The following ZFP82 variants were observed in gnomAD, a reference collection of about 807,000 sequenced individuals.
ZFP82 encodes ZFP82 zinc finger protein.
A neutral mutation model predicts 54.0 loss-of-function variants in ZFP82; 30 were observed. The observed-to-expected ratio is 0.56, with a 90% confidence interval of 0.42 to 0.75. The LOEUF is 0.75. Ranked by LOEUF, ZFP82 falls within the 30% of genes least tolerant of loss-of-function variation. The pLI is 0.00. For missense variants in ZFP82, 500 were observed against 636.8 expected, an observed-to-expected ratio of 0.79 and a Z score of 2.31; for synonymous variants, 194 against 209.5, an observed-to-expected ratio of 0.93 and a Z score of 0.64.
rs191968523 is a variant in ZFP82, at chr19:36,388,867, G to A, written c.*3874C>T. Among the ~76,000 whole-genome samples the A allele has an allele frequency of 6.6e-6, 1 of 152,228 alleles. No individual in the cohort carries two copies. The highest frequency in any genetic ancestry group is 1.9e-4 in the East Asian group (1 of 5,188). ...GTTATGTGACAGGCACTGTAGGTGT[G>A]TGAACAGAATGGTGAACAACACAAA... On this transcript the variant is annotated 3_prime_UTR_variant, in exon 5 of 5. Transcript: ENST00000392161.
chr19:36,416,756 CAAAAA>C (rs1165706150), intron 1 of ZFP82, among the ~76,000 whole-genome samples: 1 of 68,872 alleles, frequency 1.5e-5, no homozygotes, highest in Non-Finnish European at 2.7e-5. Flanking sequence ...AACTCCGTCT[CAAAAA>C]AAAAAAAAAA....
At position 36,392,910 on chromosome 19, in the gene ZFP82, G is replaced by C; in HGVS notation, c.1430C>G (p.Pro477Arg). The C allele has an allele frequency of 6.2e-7, 1 of 1,613,686 alleles. No individual in the cohort carries two copies. Among genetic ancestry groups the C allele is most frequent in the Non-Finnish European group, 8.5e-7 (1 of 1,179,888 alleles). The change falls in exon 5 of 5, where the codon CCC becomes CGC. Residue 477 changes from proline to arginine, a missense_variant. Pro to Arg is a moderately radical substitution (Grantham distance 103, BLOSUM62 -2). Transcript: ENST00000392161. ...CTTCCTACATTCCTTACACTCAAAG[G>C]GTTTTTCGCCAGTATGAATGCTCTG... ...LHQSIHTGEKPFECKECRKAF... is the reference protein window; with the variant it reads ...LHQSIHTGEKRFECKECRKAF...
downstream of ZFP82, among the ~76,000 whole-genome samples, chr19:36,387,763 C>T (rs565333949): frequency 3.9e-5 from 6 of 152,014 alleles, no homozygotes; most frequent in Non-Finnish European, 7.4e-5. Context: ...TACAGGCATG[C>T]GCCACCATGC....
chr19:36,392,923 T>C lies in ZFP82; in HGVS notation c.1417A>G (p.Thr473Ala). ...QKLTLHQSIHTGEKPFECKEC... is the reference protein window; with the variant it reads ...QKLTLHQSIHAGEKPFECKEC... ...TTACACTCAAAGGGTTTTTCGCCAG[T>C]ATGAATGCTCTGATGTAGAGTAAGT... Residue 473 changes from threonine (T) to alanine (A), a missense_variant, in exon 5 of 5, where the codon ACT becomes GCT. Physicochemically the swap from Thr to Ala is moderately conservative, Grantham distance 58 (BLOSUM62 0). Coordinates refer to ENST00000392161, the MANE Select transcript of ZFP82 (RefSeq NM_133466.4). 2 of 1,613,962 alleles carry C rather than the reference T, an allele frequency of 1.2e-6. No homozygotes were observed. The highest frequency in any genetic ancestry group is 1.1e-5 in the South Asian group (1 of 91,046).
intron 2 of ZFP82, among the ~76,000 whole-genome samples, chr19:36,409,003 A>G (rs957712492): frequency 2.0e-5 from 3 of 152,090 alleles, no homozygotes; most frequent in Non-Finnish European, 4.4e-5. Context: ...TCCATCCCTC[A>G]CTGTATGCCT....
Position 36,393,661 on chromosome 19 carries a change from C to T in ZFP82, c.679G>A (p.Glu227Lys). ...QRLHSGEKLY[E>K]CKECGEAFIC... ...AAAGCTTCCCCACATTCCTTACATT[C>T]ATAGAGTTTTTCACCAGAATGAAGT... Residue 227 changes from glutamate to lysine, a missense_variant, in exon 5 of 5, where the codon GAA becomes AAA. Transcript: ENST00000392161. 6.2e-7 allele frequency: 1 copy of T among 1,614,132 alleles called. No individual in the cohort carries two copies. The highest frequency in any genetic ancestry group is 1.1e-5 in the South Asian group (1 of 91,080).
chr19:36,418,297 G>A (rs1033895671), intron 1 of ZFP82, among the ~76,000 whole-genome samples, 195 bp downstream of exon 1: 1 of 151,902 alleles, frequency 6.6e-6, no homozygotes, highest in African/African-American at 2.4e-5. Flanking sequence ...GGCCCGGTGT[G>A]GGCAGAGGAT....
intron 4 of ZFP82, chr19:36,395,484 C>G (rs1338461521): frequency 2.6e-5 from 4 of 152,132 alleles, no homozygotes; most frequent in African/African-American, 9.7e-5. Context: ...ATGCCTGTAA[C>G]TCAGAAATGT....
At chr19:36,385,604 T>G (rs190742555), downstream of ZFP82, among the ~76,000 whole-genome samples, 22 of 152,324 alleles carry the variant, frequency 1.4e-4, no homozygotes, top group East Asian at 3.9e-3. Context: ...ATGGAAAGTC[T>G]GAAACTTTTT....
In ZFP82 at chr19:36,393,576, T is replaced by A. The variant is rs567605202; in HGVS notation, c.764A>T (p.Glu255Val). Residue 255 changes from glutamate to valine, a missense_variant, in exon 5 of 5, where the codon GAA becomes GTA. Coordinates refer to ENST00000392161, the MANE Select transcript of ZFP82 (RefSeq NM_133466.4). ...AAAAGCCTTCCCACATTCTTTACATTCATAGGGCTTCTCACCAATATGCAT... is the reference window on the plus strand; with the variant it reads ...AAAAGCCTTCCCACATTCTTTACATACATAGGGCTTCTCACCAATATGCAT... ...QKMHIGEKPY[E>V]CKECGKAFRV... is the part of the protein sequence containing the mutation. The A allele has an allele frequency of 9.7e-5, 156 of 1,614,164 alleles. 3 individuals carry two copies. The South Asian group carries it at 1.6e-3, about 17-fold the overall frequency.
chr19:36,403,249 G>A (rs2032420360), intron 4 of ZFP82, among the ~76,000 whole-genome samples: 1 of 150,976 alleles, frequency 6.6e-6, no homozygotes, highest in Non-Finnish European at 1.5e-5. Flanking sequence ...CTTGAACCTG[G>A]GAGGCAGAGG....
At position 36,389,210 on chromosome 19, in the gene ZFP82, G is replaced by A. The variant is rs1422460648; in HGVS notation, c.*3531C>T. Among the ~76,000 whole-genome samples the A allele has an allele frequency of 1.3e-5, 2 of 151,856 alleles. No individual in the cohort carries two copies. Among genetic ancestry groups the A allele is most frequent in the African/African-American group, 2.4e-5 (1 of 41,330 alleles). On this transcript the variant is annotated 3_prime_UTR_variant, in exon 5 of 5. Transcript: ENST00000392161. Reference sequence around the variant, plus strand: ...GTGCCACCATGTCCAGCTAATTTTTGTATTTTTAGTAGAGACAGAGTTTCA... The same window carrying A: ...GTGCCACCATGTCCAGCTAATTTTTATATTTTTAGTAGAGACAGAGTTTCA...
At chr19:36,385,591 T>C (rs562629809), downstream of ZFP82, among the ~76,000 whole-genome samples, 3 of 152,174 alleles carry the variant, frequency 2.0e-5, no homozygotes, top group Non-Finnish European at 4.4e-5. Flanking sequence ...TCAGAAGAGC[T>C]GTATGGAAAG....
downstream of ZFP82, among the ~76,000 whole-genome samples, chr19:36,387,169 C>A (rs1252181825): frequency 6.6e-6 from 1 of 152,152 alleles, no homozygotes; most frequent in Non-Finnish European, 1.5e-5. Flanking sequence ...TGAGATTGAA[C>A]TTCTGAGTTT....
chr19:36,405,130 G>A (rs1412133039), intron 4 of ZFP82, among the ~76,000 whole-genome samples: 1 of 149,174 alleles, frequency 6.7e-6, no homozygotes, highest in Admixed American at 6.8e-5. Context: ...GTTGCAGTGA[G>A]CCGAGATTGT....
rs187869028 is a variant in ZFP82, at chr19:36,389,538, A to G, written c.*3203T>C. On this transcript the variant is annotated 3_prime_UTR_variant, in exon 5 of 5. Transcript: ENST00000392161. ...AAGTAAATCACAGGCATAACATTTC[A>G]GCCTTAAATACCTCAGTATGAATCT... is the stretch of plus-strand genomic sequence containing the variant. Among the ~76,000 whole-genome samples, 15 of 152,308 alleles carry G rather than the reference A, an allele frequency of 9.8e-5. No homozygotes were observed. The highest frequency in any genetic ancestry group is 8.5e-4 in the Admixed American group (13 of 15,290).
chr19:36,394,248 A>G (rs770871294), intron 4 of ZFP82, 138 bp from the exon 5 acceptor site: 9 of 824,862 alleles, frequency 1.1e-5, no homozygotes, highest in Admixed American at 6.3e-5. Context: ...TGGAAAGAAA[A>G]AAAAAGCCAA....
downstream of ZFP82, among the ~76,000 whole-genome samples, chr19:36,386,613 GT>G (rs2075192082): frequency 6.6e-6 from 1 of 152,224 alleles, no homozygotes; most frequent in Non-Finnish European, 1.5e-5. Flanking sequence ...AGGTCATAGA[GT>G]TAAGGAAGGG....
chr19:36,396,135 A>G (rs1669008983), intron 4 of ZFP82: 1 of 150,190 alleles, frequency 6.7e-6, no homozygotes, highest in Non-Finnish European at 1.5e-5. Flanking sequence ...CAAACTCCTG[A>G]CCTCAAGTGA....
Sources: allele counts gnomAD v4.1 joint callset (sites outside exome capture counted in the v4.1 genomes callset), GRCh38; gene constraint gnomAD v4.1.1; transcripts MANE v1.5; gene names NCBI Gene and HGNC (gene_info 2026-07-23, HGNC 2026-07-21).